Variants in ECM2 observed in about 807,000 individuals in gnomAD.
ECM2 encodes the protein extracellular matrix protein 2, female organ and adipocyte specific.
A neutral mutation model predicts 67.5 loss-of-function variants in ECM2; 57 were observed. The observed-to-expected ratio is 0.84, with a 90% CI of 0.68 to 1.05. The LOEUF is 1.05. Among genes scored for constraint, ECM2 ranks in the 50% least tolerant of loss-of-function variants. The probability of loss-of-function intolerance (pLI) is 0.00; values close to 1 mark genes in which losing one functional copy is unlikely to be tolerated. For synonymous variants in ECM2, 258 were observed against 294.5 expected, an observed-to-expected ratio of 0.88 and a Z score of 1.27; for missense variants, 741 against 822.8, an observed-to-expected ratio of 0.90 and a Z score of 1.22.
chr9:92,547,214 C>T, the ECM2 span, among the ~76,000 whole-genome samples: 3 of 152,084 alleles, frequency 2.0e-5, no homozygotes, highest in Non-Finnish European at 4.4e-5. Flanking sequence ...ATAAAGAAAG[C>T]AAATGTTTAC....
chr9:92,515,074 C>T lies in ECM2; in HGVS notation c.611G>A (p.Arg204Gln), dbSNP rs34758505. The part of the protein sequence containing the change: ...QLPPPQVGMD[R>Q]IVRKEALQSE... Reference sequence around the variant, plus strand: ...TTGAAGTGCTTCTTTTCTTACTATTCGGTCCATTCCCACCTGAGGAGGTGG... The same window carrying T: ...TTGAAGTGCTTCTTTTCTTACTATTTGGTCCATTCCCACCTGAGGAGGTGG... The change falls in exon 4 of 10, where the codon CGA (arginine) becomes CAA (glutamine). Residue 204 changes from arginine (R) to glutamine (Q), a missense_variant. By Grantham distance (43) the Arg-to-Gln change is conservative (BLOSUM62 1). Transcript: ENST00000344604. 68,246 of 1,614,026 alleles carry T rather than the reference C, an allele frequency of 0.042. 1,733 individuals carry two copies. Among genetic ancestry groups the T allele is most frequent in the South Asian group, 0.076 (6,912 of 91,070 alleles).
At chr9:92,494,119 C>A, downstream of ECM2, 2 of 1,597,900 alleles carry the variant, frequency 1.3e-6, no homozygotes, top group South Asian at 2.2e-5. Flanking sequence ...ATCTGTTTGT[C>A]ACTGTCTCTA....
At chr9:92,555,476 G>A in the ECM2 span, among the ~76,000 whole-genome samples, 2 of 151,810 alleles carry the variant, frequency 1.3e-5, no homozygotes, top group African/African-American at 4.8e-5. Flanking sequence ...TGATCCACCC[G>A]TCTCAGCCTC....
At chr9:92,551,102 T>C in the ECM2 span, among the ~76,000 whole-genome samples, 306 of 151,788 alleles carry the variant, frequency 2.0e-3, no homozygotes, top group Non-Finnish European at 2.5e-3. Flanking sequence ...CCTGGGGAGG[T>C]GGCTGTGGGA....
intron 1 of ECM2, chr9:92,528,162 CTTA>C (rs1848530180): frequency 6.6e-6 from 1 of 152,324 alleles, no homozygotes; most frequent in Non-Finnish European, 1.5e-5. Flanking sequence ...CCTGAAACAA[CTTA>C]AAAATAGAGC....
intron 3 of ECM2, among the ~76,000 whole-genome samples, chr9:92,516,068 T>C (rs560736559): frequency 1.7e-4 from 24 of 142,024 alleles, no homozygotes; most frequent in Admixed American, 1.0e-3. Flanking sequence ...TGCATACTTT[T>C]TTTTCCCCCC....
At chr9:92,523,007 T>C (rs1341654798) in intron 1 of ECM2, 114 bp from the exon 2 acceptor site, 2 of 992,416 alleles carry the variant, frequency 2.0e-6, no homozygotes, top group South Asian at 1.7e-5. Flanking sequence ...ATTACACTTA[T>C]GATATATGGA....
intron 1 of ECM2, among the ~76,000 whole-genome samples, chr9:92,533,568 G>A (rs1848992292): frequency 6.6e-6 from 1 of 151,456 alleles, no homozygotes; most frequent in Admixed American, 6.6e-5. Context: ...TGGCCCTGTT[G>A]TTTTTCTCAC....
upstream of ECM2, among the ~76,000 whole-genome samples, chr9:92,537,062 G>A (rs1049229707): frequency 2.0e-5 from 3 of 151,340 alleles, no homozygotes; most frequent in African/African-American, 7.3e-5. Flanking sequence ...TTTTAGTAGA[G>A]ATGGGGTTTC....
the ECM2 span, among the ~76,000 whole-genome samples, chr9:92,547,186 A>G: frequency 6.6e-6 from 1 of 152,238 alleles, no homozygotes; most frequent in East Asian, 1.9e-4. Flanking sequence ...TTCAACAGCC[A>G]TTAGTGTTTT....
At chr9:92,505,163 A>C (rs1190559144) in intron 7 of ECM2, among the ~76,000 whole-genome samples, 1 of 152,212 alleles carries the variant, frequency 6.6e-6, no homozygotes, top group African/African-American at 2.4e-5. Context: ...TGTTACGGTT[A>C]ATACCTGTTT....
the ECM2 span, among the ~76,000 whole-genome samples, chr9:92,558,459 G>A: frequency 6.6e-6 from 1 of 152,184 alleles, no homozygotes; most frequent in Non-Finnish European, 1.5e-5. Context: ...GGCTGGTACT[G>A]GGGTTGTCTG....
chr9:92,500,332 AC>A (rs150228361), intron 9 of ECM2, among the ~76,000 whole-genome samples: 2,004 of 152,242 alleles, frequency 0.013, 26 homozygotes, highest in Non-Finnish European at 0.021. Flanking sequence ...ACAGACACGC[AC>A]CACCACGCCC....
intron 7 of ECM2, among the ~76,000 whole-genome samples, chr9:92,504,718 T>C (rs114744966): frequency 1.4e-3 from 207 of 152,184 alleles, no homozygotes; most frequent in African/African-American, 4.9e-3. Context: ...TTAATATATC[T>C]TTTAGAGACA....
At chr9:92,540,925 G>T (rs1036736868), upstream of ECM2, among the ~76,000 whole-genome samples, 5 of 151,590 alleles carry the variant, frequency 3.3e-5, no homozygotes, top group African/African-American at 1.2e-4. Flanking sequence ...ATATGAAGGA[G>T]AAAAGATTTA....
chr9:92,495,502 G>A lies in ECM2; in HGVS notation c.*813C>T. On this transcript the variant is annotated 3_prime_UTR_variant, in exon 10 of 10. Transcript: ENST00000344604. The stretch of plus-strand genomic sequence containing the variant: ...TTAGATTTACCTTTACAAGGTTATA[G>A]TCAAGAATAATTAATTTGTATTTTA... 2.0e-6 allele frequency: 2 copies of A among 983,082 alleles called. No individual in the cohort carries two copies. Among genetic ancestry groups the A allele is most frequent in the South Asian group, 9.4e-5 (2 of 21,248 alleles). 60.9% of individuals were successfully genotyped at this position (983,082 alleles called of 1,614,324 possible).
chr9:92,506,523 T>C (rs1380219487), intron 6 of ECM2, among the ~76,000 whole-genome samples: 1 of 152,108 alleles, frequency 6.6e-6, no homozygotes, highest in Non-Finnish European at 1.5e-5. Flanking sequence ...GTGGCCAAAA[T>C]TCCCAGATTA....
the ECM2 span, among the ~76,000 whole-genome samples, chr9:92,555,394 T>C: frequency 6.6e-6 from 1 of 151,496 alleles, no homozygotes; most frequent in African/African-American, 2.4e-5. Context: ...GTCTGGCTGA[T>C]TTTTTTGTAT....
intron 1 of ECM2, chr9:92,528,020 G>T (rs1307165192): frequency 6.6e-6 from 1 of 152,010 alleles, no homozygotes; most frequent in African/African-American, 2.4e-5. Flanking sequence ...TCAGACTTTT[G>T]GAGAGTCTGT....
Sources: allele counts gnomAD v4.1 joint callset (sites outside exome capture counted in the v4.1 genomes callset), GRCh38; gene constraint gnomAD v4.1.1; transcripts MANE v1.5; gene names NCBI Gene and HGNC (gene_info 2026-07-23, HGNC 2026-07-21).